The following NELFB variants were observed in gnomAD, a reference collection of about 807,000 sequenced individuals.
The protein encoded by NELFB is negative elongation factor complex member B, also known as negative elongation factor B.
A neutral mutation model predicts 60.2 loss-of-function variants in NELFB; 34 were observed. That is an observed-to-expected ratio of 0.56 (90% confidence interval 0.43 to 0.75). The LOEUF is 0.75. Ranked by LOEUF, NELFB falls within the 30% of genes least tolerant of loss-of-function variation. The pLI is 0.00. For missense variants in NELFB, 770 were observed against 831.6 expected (o/e 0.93, Z 0.91); for synonymous variants, 459 against 382.1 (o/e 1.20, Z -2.35).
chr9:137,263,258 T>C (rs753888718), intron 5 of NELFB, 36 bp downstream of exon 5: 2 of 1,552,950 alleles, frequency 1.3e-6, no homozygotes, highest in East Asian at 2.3e-5. Context: ...CCTACCCTCC[T>C]GAAGGTAGTG....
chr9:137,267,152 GC>G, intron 9 of NELFB, 66 bp downstream of exon 9: 1 of 1,611,900 alleles, frequency 6.2e-7, no homozygotes, highest in Non-Finnish European at 8.5e-7. Flanking sequence ...TGCCCAGGGG[GC>G]TGCCTCAGGG....
intron 6 of NELFB, 118 bp downstream of exon 6, chr9:137,264,475 GT>G (rs949269281): frequency 2.7e-6 from 2 of 753,798 alleles, no homozygotes; most frequent in East Asian, 2.7e-5. Context: ...TTTTTCTTTT[GT>G]TTTTTTCGAG....
chr9:137,272,043 G>C, intron 10 of NELFB, 38 bp from the exon 11 acceptor site: 1 of 1,612,788 alleles, frequency 6.2e-7, no homozygotes, highest in Non-Finnish European at 8.5e-7. Flanking sequence ...GGGTGGGCAG[G>C]GTGAGTGGCA....
rs1830554851 is a variant in NELFB, at chr9:137,269,284, T to C, written c.1489+1938T>C. ...AACGAATGACCACAGACAGTGGCAT[T>C]AGACAGCGCAGGCAGACATGACCTC... is the stretch of plus-strand genomic sequence containing the variant. On this transcript the variant is annotated intron_variant, in intron 10 of 12. Transcript: ENST00000343053. The surrounding 1 kb of genome is among the most constrained non-coding windows in gnomAD (Gnocchi z 5.3). Among the ~76,000 whole-genome samples, 1 of 152,080 alleles carries C rather than the reference T, an allele frequency of 6.6e-6. No individual in the cohort carries two copies. The highest frequency in any genetic ancestry group is 1.5e-5 in the Non-Finnish European group (1 of 68,030).
intron 7 of NELFB, 46 bp downstream of exon 7, chr9:137,266,025 C>A: frequency 7.0e-7 from 1 of 1,419,726 alleles, no homozygotes; most frequent in South Asian, 1.2e-5. Flanking sequence ...TGCGGCCACT[C>A]CGCTGGCTGC....
At chr9:137,272,263 A>G (rs1160147141) in intron 11 of NELFB, 41 bp downstream of exon 11, 2 of 1,607,008 alleles carry the variant, frequency 1.2e-6, no homozygotes, top group Admixed American at 1.7e-5. Flanking sequence ...CTGTCCTCTC[A>G]GCTCTTGTCC....
chr9:137,272,909 C>T lies in NELFB; in HGVS notation c.1868C>T (p.Pro623Leu), dbSNP rs1232591166. Residue 623 changes from proline (P) to leucine (L), a missense_variant, in exon 13 of 13, where the codon CCC becomes CTC. By Grantham distance (98) the Pro-to-Leu change is moderately conservative. Coordinates refer to ENST00000343053, the MANE Select transcript of NELFB (RefSeq NM_015456.5). Reference sequence around the variant, plus strand: ...CTGGAGCTGCCCCTCCCCAGCGTGCCCGCCCCTGCCCCGCTCTGAGGGCCC... The same window carrying T: ...CTGGAGCTGCCCCTCCCCAGCGTGCTCGCCCCTGCCCCGCTCTGAGGGCCC... 7 of 1,538,032 alleles carry T rather than the reference C, an allele frequency of 4.6e-6. No individual in the cohort carries two copies. In the East Asian group the frequency reaches 1.5e-4, roughly 32 times the overall value.
Position 137,267,093 on chromosome 9 carries a change from G to A in NELFB, c.1382+7G>A, listed in dbSNP as rs1335771166. ...TTCCCGAAAGCTTCACTAAGTACGG[G>A]CTGTAGGGCCATGGTGCAGGGGTGG... On this transcript the variant is annotated splice_region_variant and intron_variant, in intron 9 of 12. Coordinates refer to ENST00000343053, the MANE Select transcript of NELFB (RefSeq NM_015456.5). 6.2e-7 allele frequency: 1 copy of A among 1,613,834 alleles called. No individual in the cohort carries two copies. Among genetic ancestry groups the A allele is most frequent in the Non-Finnish European group, 8.5e-7 (1 of 1,180,008 alleles).
chr9:137,259,827 C>T (rs1830406064), intron 4 of NELFB, among the ~76,000 whole-genome samples: 1 of 150,492 alleles, frequency 6.6e-6, no homozygotes, highest in South Asian at 2.1e-4. Context: ...CGGGTTCACT[C>T]CATTCTCCTG....
intron 4 of NELFB, among the ~76,000 whole-genome samples, chr9:137,258,082 G>T (rs2131474478): frequency 6.8e-6 from 1 of 146,568 alleles, no homozygotes; most frequent in South Asian, 2.2e-4. Context: ...TGGGATTACA[G>T]ACATGAGGCA....
Position 137,266,432 on chromosome 9 carries a change from G to C in NELFB, c.1239+6G>C. The C allele has an allele frequency of 3.7e-6, 6 of 1,611,740 alleles. No individual in the cohort carries two copies. The highest frequency in any genetic ancestry group is 5.1e-6 in the Non-Finnish European group (6 of 1,179,136). ...TCTTCAAGGAGCCCAAGATGGTAAC[G>C]AGCCTCCTGTGGGGGCTGCCAGTTT... On this transcript the variant is annotated splice_donor_region_variant and intron_variant, in intron 8 of 12. Transcript: ENST00000343053.
chr9:137,262,956 C>A, intron 4 of NELFB, 81 bp from the exon 5 acceptor site: 1 of 1,479,594 alleles, frequency 6.8e-7, no homozygotes, highest in Non-Finnish European at 9.3e-7. Flanking sequence ...GAGAGAGGGC[C>A]GCGCTGTCGC....
intron 4 of NELFB, among the ~76,000 whole-genome samples, chr9:137,261,612 C>T (rs28834713): frequency 0.05 from 7,441 of 150,320 alleles, 193 homozygotes; most frequent in African/African-American, 0.068. Flanking sequence ...GAACCAAGAT[C>T]TTGCCATTGC....
At position 137,257,051 on chromosome 9, in the gene NELFB, C is replaced by T. The variant is rs144287982; in HGVS notation, c.738C>T (p.Gly246=). The T allele has an allele frequency of 6.8e-6, 11 of 1,610,382 alleles. No individual in the cohort carries two copies. The Admixed American group carries it at 1.2e-4, about 17-fold the overall frequency. Residue 246 remains glycine, a synonymous_variant, in exon 4 of 13, where the codon GGC becomes GGT. Coordinates refer to ENST00000343053, the MANE Select transcript of NELFB (RefSeq NM_015456.5). ...CTTCCCCCAAGACCAGGCGCCAGGG[C>T]GAGGTGAGGGGACAGGCCGTGTGCG...
At chr9:137,272,734 T>C in intron 12 of NELFB, 48 bp from the exon 13 acceptor site, 31 of 1,521,730 alleles carry the variant, frequency 2.0e-5, no homozygotes, top group Non-Finnish European at 2.7e-5. Context: ...CTGTGCCCCC[T>C]GGGCCTGCCC....
In NELFB at chr9:137,263,060, G is replaced by A; in HGVS notation, c.765G>A (p.Met255Ile). 6.2e-7 allele frequency: 1 copy of A among 1,613,316 alleles called. No homozygotes were observed. Among genetic ancestry groups the A allele is most frequent in the Non-Finnish European group, 8.5e-7 (1 of 1,179,356 alleles). ...AGGTGGTGCAGCGGCTGACGCGGAT[G>A]GTGGGGAAGAACGTGAAGCTGTACG... is the stretch of plus-strand genomic sequence containing the variant. The change falls in exon 5 of 13, where the codon ATG becomes ATA. Residue 255 changes from methionine (M) to isoleucine (I), a missense_variant. By Grantham distance (10) the Met-to-Ile change is conservative. Transcript: ENST00000343053.
At chr9:137,256,473 C>T (rs747944491) in intron 3 of NELFB, 45 bp downstream of exon 3, 7 of 1,549,134 alleles carry the variant, frequency 4.5e-6, no homozygotes, top group African/African-American at 1.4e-5. Flanking sequence ...CGTCCGCCCA[C>T]TCTCATGCCC....
chr9:137,260,770 G>A (rs1830429436), intron 4 of NELFB, among the ~76,000 whole-genome samples: 1 of 150,516 alleles, frequency 6.6e-6, no homozygotes, highest in Admixed American at 6.6e-5. Flanking sequence ...CTTTTAAAAA[G>A]CTAAATTAGG....
At chr9:137,261,926 C>T (rs1367106786) in intron 4 of NELFB, among the ~76,000 whole-genome samples, 1 of 152,002 alleles carries the variant, frequency 6.6e-6, no homozygotes, top group Non-Finnish European at 1.5e-5. Flanking sequence ...GGTAAGGTCA[C>T]GTGGTTCACG....
Sources: allele counts gnomAD v4.1 joint callset (sites outside exome capture counted in the v4.1 genomes callset), GRCh38; gene constraint gnomAD v4.1.1; non-coding constraint Gnocchi (gnomAD v3.1); transcripts MANE v1.5; gene names NCBI Gene and HGNC (gene_info 2026-07-23, HGNC 2026-07-21).